The following GASK1B variants were observed in gnomAD, a reference collection of about 807,000 sequenced individuals.
GASK1B encodes golgi associated kinase 1B.
Under a neutral mutation model 42.8 loss-of-function variants are expected in GASK1B, and 34 were observed. That is an observed-to-expected ratio of 0.79 (90% CI 0.60 to 1.06). The LOEUF (loss-of-function observed/expected upper bound fraction) is 1.06, where lower values mean the gene tolerates loss of function less well. Among genes scored for constraint, GASK1B ranks in the 50% least tolerant of loss-of-function variants. The pLI is 0.00. For synonymous variants in GASK1B, 262 were observed against 259.1 expected (o/e 1.01, Z -0.11); for missense variants, 686 against 661.0 (o/e 1.04, Z -0.42).
rs560353472 is a variant in GASK1B at position 158,152,282 on chromosome 4, T to G, written c.1125+3329A>C. ...GATTGTGTGAGTCAATACTCCTTAA[T>G]AAACTCTTCATATATACATCAAACG... is the stretch of plus-strand genomic sequence containing the variant. On this transcript the variant is annotated intron_variant, in intron 3 of 4. Coordinates refer to ENST00000585682, the MANE Select transcript of GASK1B (RefSeq NM_001128424.2). Among the ~76,000 whole-genome samples the G allele has an allele frequency of 4.6e-5, 7 of 152,278 alleles. No individual in the cohort carries two copies. In the South Asian group the frequency reaches 1.5e-3, roughly 32 times the overall value.
chr4:158,147,646 A>T (rs1731384194), intron 3 of GASK1B, among the ~76,000 whole-genome samples: 1 of 151,950 alleles, frequency 6.6e-6, no homozygotes, highest in African/African-American at 2.4e-5. Flanking sequence ...ATTAAAAAAA[A>T]ACTTGTATGA....
At chr4:158,165,587 A>G (rs904213117) in intron 2 of GASK1B, among the ~76,000 whole-genome samples, 1 of 152,206 alleles carries the variant, frequency 6.6e-6, no homozygotes, top group Non-Finnish European at 1.5e-5. Context: ...TCAATGTTAG[A>G]TTATTGAATA....
Position 158,170,803 on chromosome 4 carries a change from C to A in GASK1B, c.573G>T (p.Gly191=). Residue 191 remains glycine, a synonymous_variant, in exon 2 of 5, where the codon GGG becomes GGT. Transcript: ENST00000585682. ...RLVRGPGVRA[G]GPDFLQPSSR... is the part of the protein sequence containing the mutation. ...AGCTGGGCTGCAGGAAGTCTGGGCC[C>A]CCGGCTCGCACTCCCGGACCCCGCA... 1 of 1,614,214 alleles carries A rather than the reference C, an allele frequency of 6.2e-7. No homozygotes were observed. The highest frequency in any genetic ancestry group is 8.5e-7 in the Non-Finnish European group (1 of 1,180,034).
intron 3 of GASK1B, among the ~76,000 whole-genome samples, chr4:158,149,041 A>G (rs899398897): frequency 2.0e-5 from 3 of 152,170 alleles, no homozygotes; most frequent in African/African-American, 7.2e-5. Context: ...CAAATGGTAT[A>G]TTTAGAATGC....
chr4:158,142,433 C>A (rs1731173741), intron 3 of GASK1B, among the ~76,000 whole-genome samples: 1 of 152,104 alleles, frequency 6.6e-6, no homozygotes. Flanking sequence ...GAACCAGTGG[C>A]AGACAAGATT....
chr4:158,158,649 T>C (rs1484292715), intron 2 of GASK1B, among the ~76,000 whole-genome samples: 1 of 152,110 alleles, frequency 6.6e-6, no homozygotes, highest in African/African-American at 2.4e-5. Flanking sequence ...AGAGAGTAAA[T>C]ATTTTAGGTT....
intron 3 of GASK1B, among the ~76,000 whole-genome samples, chr4:158,131,820 T>G (rs897319931): frequency 6.7e-6 from 1 of 150,222 alleles, no homozygotes; most frequent in African/African-American, 2.5e-5. Context: ...TTGTGTAGAT[T>G]CCTTTCCATC....
intron 2 of GASK1B, chr4:158,159,803 G>C (rs1731901284): frequency 5.9e-6 from 1 of 170,282 alleles, no homozygotes; most frequent in Admixed American, 5.9e-5. Context: ...AAAGCACAAA[G>C]AAGACATTCT....
chr4:158,145,783 C>A (rs374334422), intron 3 of GASK1B, among the ~76,000 whole-genome samples: 2 of 152,150 alleles, frequency 1.3e-5, no homozygotes, highest in Non-Finnish European at 2.9e-5. Context: ...TCAGTGTCTG[C>A]AGCAGATAAG....
At chr4:158,148,850 C>G (rs1266554306) in intron 3 of GASK1B, among the ~76,000 whole-genome samples, 2 of 152,186 alleles carry the variant, frequency 1.3e-5, no homozygotes, top group East Asian at 3.8e-4. Flanking sequence ...TGCAGATGCA[C>G]TCAGAAGAAG....
At chr4:158,152,564 C>G (rs1346514773) in intron 3 of GASK1B, among the ~76,000 whole-genome samples, 1 of 151,830 alleles carries the variant, frequency 6.6e-6, no homozygotes, top group Non-Finnish European at 1.5e-5. Context: ...AAACTACAGA[C>G]CAATATCCCT....
At chr4:158,158,612 C>T (rs187137807) in intron 2 of GASK1B, among the ~76,000 whole-genome samples, 49 of 152,014 alleles carry the variant, frequency 3.2e-4, no homozygotes, top group Admixed American at 3.1e-3. Flanking sequence ...TAATCTAGCC[C>T]AGTGATCAGC....
intron 3 of GASK1B, among the ~76,000 whole-genome samples, chr4:158,154,420 A>G (rs768590308): frequency 2.6e-5 from 4 of 152,214 alleles, no homozygotes; most frequent in Non-Finnish European, 4.4e-5. Context: ...GGGAATGTAA[A>G]CTAGTACAAC....
intron 3 of GASK1B, among the ~76,000 whole-genome samples, chr4:158,152,456 T>C (rs1731593970): frequency 1.3e-5 from 2 of 151,856 alleles, no homozygotes; most frequent in South Asian, 2.1e-4. Flanking sequence ...TATTCCACTA[T>C]AAGATAGGGA....
intron 3 of GASK1B, among the ~76,000 whole-genome samples, chr4:158,138,624 G>T (rs953853843): frequency 3.3e-5 from 5 of 151,712 alleles, no homozygotes; most frequent in African/African-American, 1.2e-4. Flanking sequence ...TATTAATATA[G>T]AATTTCTATC....
At chr4:158,157,658 GA>G (rs1385695395) in intron 2 of GASK1B, among the ~76,000 whole-genome samples, 1 of 152,082 alleles carries the variant, frequency 6.6e-6, no homozygotes, top group African/African-American at 2.4e-5. Flanking sequence ...CTCAGGGCTA[GA>G]AAGTAATCAA....
At position 158,125,389 on chromosome 4, in the gene GASK1B, T is replaced by A. The variant is rs959389398; in HGVS notation, c.*2018A>T. 6.9e-6 allele frequency: 1 copy of A among 143,906 alleles called. No individual in the cohort carries two copies. 8.9% of individuals were successfully genotyped at this position (143,906 alleles called of 1,614,324 possible). Reference sequence around the variant, plus strand: ...CCTGTTAGTCCTACCATCAATATGATAAATTTGGATAAAGATGGTAAAAAA... The same window carrying A: ...CCTGTTAGTCCTACCATCAATATGAAAAATTTGGATAAAGATGGTAAAAAA... On this transcript the variant is annotated 3_prime_UTR_variant, in exon 5 of 5. Transcript: ENST00000585682.
At chr4:158,135,286 A>C (rs1386169698) in intron 3 of GASK1B, among the ~76,000 whole-genome samples, 1 of 138,974 alleles carries the variant, frequency 7.2e-6, no homozygotes, top group Non-Finnish European at 1.5e-5. Context: ...GCCCCATTGC[A>C]CTCCAGCGTG....
chr4:158,153,980 T>C (rs898584741), intron 3 of GASK1B, among the ~76,000 whole-genome samples: 7 of 151,886 alleles, frequency 4.6e-5, no homozygotes, highest in Admixed American at 2.0e-4. Context: ...CAAAAGCAAA[T>C]TGCAGCAACA....
Sources: allele counts gnomAD v4.1 joint callset (sites outside exome capture counted in the v4.1 genomes callset), GRCh38; gene constraint gnomAD v4.1.1; transcripts MANE v1.5; gene names NCBI Gene and HGNC (gene_info 2026-07-23, HGNC 2026-07-21).